The following NR4A1 variants were observed in gnomAD, a reference collection of about 807,000 sequenced individuals.
NR4A1 encodes the protein nuclear receptor subfamily 4 group A member 1, also known as nuclear receptor subfamily 4immunitygroup A member 1.
A neutral mutation model predicts 47.5 loss-of-function variants in NR4A1; 24 were observed. The observed-to-expected ratio is 0.50, with a 90% CI of 0.37 to 0.71. The LOEUF is 0.71. Ranked by LOEUF, NR4A1 falls within the 30% of genes least tolerant of loss-of-function variation. NR4A1 has a pLI of 0.00. For synonymous variants in NR4A1, 353 were observed against 345.7 expected (o/e 1.02, Z -0.24); for missense variants, 669 against 788.6 (o/e 0.85, Z 1.82).
intron 1 of NR4A1, among the ~76,000 whole-genome samples, chr12:52,032,002 G>C: frequency 6.6e-6 from 1 of 152,016 alleles, no homozygotes; most frequent in Non-Finnish European, 1.5e-5. Flanking sequence ...CACCATGTTG[G>C]TCAGGCAGGT....
chr12:52,038,010 C>T (rs1938303502), intron 1 of NR4A1: 2 of 985,392 alleles, frequency 2.0e-6, no homozygotes, highest in Non-Finnish European at 1.2e-6. Context: ...GGTGGTCTGG[C>T]TGTGTGGAGG....
upstream of NR4A1, among the ~76,000 whole-genome samples, chr12:52,050,371 A>G (rs1371171456): frequency 2.6e-5 from 4 of 152,098 alleles, no homozygotes; most frequent in Non-Finnish European, 5.9e-5. Context: ...GCGTGGAGAG[A>G]TCCCTAGAGA....
chr12:52,040,903 G>A (rs986567664), intron 1 of NR4A1, among the ~76,000 whole-genome samples: 8 of 152,170 alleles, frequency 5.3e-5, no homozygotes, highest in African/African-American at 9.7e-5. Flanking sequence ...GTGCGTAGTC[G>A]AGAGGAGAGA....
chr12:52,050,375 C>T (rs1938863200), upstream of NR4A1, among the ~76,000 whole-genome samples: 3 of 152,186 alleles, frequency 2.0e-5, no homozygotes, highest in African/African-American at 4.8e-5. Flanking sequence ...GGAGAGATCC[C>T]TAGAGATGCA....
intron 1 of NR4A1, among the ~76,000 whole-genome samples, chr12:52,034,376 T>C (rs959784803): frequency 1.3e-5 from 2 of 152,206 alleles, no homozygotes; most frequent in African/African-American, 4.8e-5. Context: ...GCCAGCTTTC[T>C]GTGTAGGAGC....
At chr12:52,037,869 G>T (rs973015382) in intron 1 of NR4A1, 57 of 985,192 alleles carry the variant, frequency 5.8e-5, no homozygotes, top group Middle Eastern at 5.2e-4. Context: ...GGCGGAGCTG[G>T]GGATTAGGAC....
chr12:52,048,833 T>C (rs755824720), upstream of NR4A1, among the ~76,000 whole-genome samples: 3 of 152,162 alleles, frequency 2.0e-5, no homozygotes, highest in Non-Finnish European at 2.9e-5. Context: ...TTTTTTTTTT[T>C]TAAGCTGTGG....
chr12:52,038,973 A>G (rs1037004751), intron 1 of NR4A1, among the ~76,000 whole-genome samples: 2 of 152,154 alleles, frequency 1.3e-5, no homozygotes, highest in African/African-American at 4.8e-5. Flanking sequence ...CACAGGTCCA[A>G]GTGGGTGGCA....
chr12:52,044,912 G>T (rs1014216827), intron 2 of NR4A1, among the ~76,000 whole-genome samples: 1 of 152,010 alleles, frequency 6.6e-6, no homozygotes, highest in African/African-American at 2.4e-5. Flanking sequence ...GCCCCGTCTG[G>T]TGGTTCTTCC....
At chr12:52,024,384 C>T (rs1440080446) in intron 1 of NR4A1, among the ~76,000 whole-genome samples, 1 of 152,012 alleles carries the variant, frequency 6.6e-6, no homozygotes, top group Non-Finnish European at 1.5e-5. Context: ...GCCTTTTTTT[C>T]TCTCTCTCCA....
At chr12:52,055,477 C>A in intron 2 of NR4A1, 1 of 578,696 alleles carries the variant, frequency 1.7e-6, no homozygotes, top group East Asian at 2.9e-5. Context: ...GGGTGCCTGG[C>A]GAGCCTCTGG....
At chr12:52,051,108 A>G (rs1938904203), upstream of NR4A1, among the ~76,000 whole-genome samples, 1 of 152,138 alleles carries the variant, frequency 6.6e-6, no homozygotes, top group South Asian at 2.1e-4. Flanking sequence ...CTGGGACCCG[A>G]GTCCGGTGCG....
chr12:52,052,268 C>CGTGTGTGTGTGTGTGTGTGT (rs60552358), intron 1 of NR4A1, among the ~76,000 whole-genome samples: 7 of 129,920 alleles, frequency 5.4e-5, no homozygotes, highest in African/African-American at 1.6e-4. Context: ...GCTTGGATCA[C>CGTGTGTGTGTGTGTGTGTGT]GTGTGTGTGT....
intron 1 of NR4A1, among the ~76,000 whole-genome samples, chr12:52,028,765 G>A (rs557898067): frequency 6.6e-5 from 10 of 151,914 alleles, no homozygotes; most frequent in South Asian, 2.1e-4. Context: ...TTAGCTGGGC[G>A]TGGTGGTGGG....
intron 1 of NR4A1, among the ~76,000 whole-genome samples, chr12:52,029,573 A>G (rs964700994): frequency 5.3e-5 from 8 of 152,188 alleles, no homozygotes; most frequent in African/African-American, 1.7e-4. Context: ...CTGTAGTCCC[A>G]GCTACTTGGG....
chr12:52,051,270 GC>G (rs977770220), upstream of NR4A1: 52 of 268,624 alleles, frequency 1.9e-4, no homozygotes, highest in Middle Eastern at 1.9e-3. Flanking sequence ...TCCTCGCCCC[GC>G]CCCCTCGGGC....
At chr12:52,027,145 C>T (rs1296431545) in intron 1 of NR4A1, among the ~76,000 whole-genome samples, 1 of 152,226 alleles carries the variant, frequency 6.6e-6, no homozygotes, top group African/African-American at 2.4e-5. Context: ...GCAGCCCCAT[C>T]CCTACCACAA....
At chr12:52,048,519 G>A (rs112525977), upstream of NR4A1, among the ~76,000 whole-genome samples, 4 of 152,136 alleles carry the variant, frequency 2.6e-5, no homozygotes, top group Admixed American at 6.5e-5. Context: ...GCGTGAACCC[G>A]GGAGGCGGAG....
At chr12:52,054,048 C>A (rs1271821273) in intron 1 of NR4A1, 8 of 459,450 alleles carry the variant, frequency 1.7e-5, no homozygotes, top group African/African-American at 1.4e-4. Flanking sequence ...TGGCTGTATG[C>A]CTCCCCTAGG....
Sources: gnomAD v4.1 joint callset for allele counts (sites outside exome capture counted in the v4.1 genomes callset) on GRCh38, gnomAD v4.1.1 for gene constraint, MANE v1.5 for transcripts, NCBI Gene and HGNC (gene_info 2026-07-23, HGNC 2026-07-21) for gene names.